ERICH1: variants seen among roughly 807,000 people sequenced by gnomAD.
ERICH1 encodes the protein glutamate-rich protein 1.
Under a neutral mutation model 39.6 loss-of-function variants are expected in ERICH1, and 56 were observed. The ratio of observed to expected loss-of-function variants is 1.41; its 90% confidence interval spans 1.14 to 1.77. ERICH1 has a LOEUF of 1.77. Among genes scored for constraint, ERICH1 ranks in the 40% most tolerant of loss-of-function variants. The pLI, the probability that ERICH1 is intolerant of heterozygous loss-of-function variation, is 0.00. For missense variants in ERICH1, 826 were observed against 575.4 expected (o/e 1.44, Z -4.45); for synonymous variants, 313 against 223.6 (o/e 1.40, Z -3.57).
At chr8:701,383 C>T (rs1237687907) in intron 2 of ERICH1, among the ~76,000 whole-genome samples, 1 of 151,442 alleles carries the variant, frequency 6.6e-6, no homozygotes, top group Non-Finnish European at 1.5e-5. Flanking sequence ...CACGCCATAC[C>T]TACGGGTCTG....
chr8:634,540 C>G (rs1280658480), intron 3 of ERICH1, among the ~76,000 whole-genome samples: 1 of 152,238 alleles, frequency 6.6e-6, no homozygotes. Context: ...CCCCGTCGGG[C>G]GGGCACCTTC....
chr8:685,116 C>T (rs1278217466), intron 3 of ERICH1, among the ~76,000 whole-genome samples: 1 of 152,228 alleles, frequency 6.6e-6, no homozygotes, highest in Admixed American at 6.5e-5. Flanking sequence ...CTATCTACAA[C>T]TGCATAAGGC....
intron 3 of ERICH1, among the ~76,000 whole-genome samples, chr8:642,948 G>A (rs1003895358): frequency 6.6e-6 from 1 of 152,200 alleles, no homozygotes; most frequent in Admixed American, 6.5e-5. Flanking sequence ...CTGACTGAGT[G>A]TGCAGGTGGG....
chr8:663,758 GTTTTTT>G (rs5888809), downstream of ERICH1, among the ~76,000 whole-genome samples: 1 of 145,654 alleles, frequency 6.9e-6, no homozygotes, highest in African/African-American at 2.5e-5. Flanking sequence ...TTGACTGATG[GTTTTTT>G]TTTTTTTTAT....
At chr8:705,385 A>G (rs7000189) in intron 2 of ERICH1, among the ~76,000 whole-genome samples, 41,215 of 152,102 alleles carry the variant, frequency 0.27, 5,800 homozygotes, top group East Asian at 0.43. Context: ...TCATCATTTT[A>G]CCCCCGGCCA....
chr8:659,787 C>G (rs57432331), downstream of ERICH1, among the ~76,000 whole-genome samples: 4 of 24,686 alleles, frequency 1.6e-4, no homozygotes, highest in African/African-American at 6.0e-4. Context: ...TGTGCACTGA[C>G]CATCCTGGGG....
rs141539093 is a variant in ERICH1, at chr8:668,700, C to A, written c.1156G>T (p.Val386Leu). ...GTTTTCATGTGGTACAGGATGGACA[C>A]GTCTGAGGGCAGCATGCTGTGTGAC... ...LASHSMLPSD[V>L]SILYHMKTLL... The change falls in exon 5 of 6, where the codon GTG becomes TTG. Residue 386 changes from valine (V) to leucine (L), a missense_variant. By Grantham distance (32) the Val-to-Leu change is conservative. Transcript: ENST00000262109. 8.4e-5 allele frequency: 136 copies of A among 1,614,066 alleles called. No individual in the cohort carries two copies. In the African/African-American group the frequency reaches 1.7e-3, roughly 20 times the overall value.
rs182472210 is a variant in ERICH1 at position 627,357 on chromosome 8, C to T, written c.977-12073G>A. On this transcript the variant is annotated intron_variant, in intron 3 of 3. Coordinates refer to the ERICH1 transcript ENST00000522706. ...CAGCTCCTTGTCTCCCATTCCTGGA[C>T]AGGAAAAGTCTGCACCTCACTGAGA... is the stretch of plus-strand genomic sequence containing the variant. 15 of 383,608 alleles carry T rather than the reference C, an allele frequency of 3.9e-5. No individual in the cohort carries two copies. The East Asian group carries it at 1.0e-3, about 27-fold the overall frequency. 23.8% of individuals were successfully genotyped at this position (383,608 alleles called of 1,614,324 possible). A position where few individuals can be genotyped will look rare whatever the true frequency, so the allele number is the denominator to read the frequency against.
chr8:679,507 G>C lies in ERICH1; in HGVS notation c.305-5460C>G, dbSNP rs551010799. Among the ~76,000 whole-genome samples the C allele has an allele frequency of 6.0e-3, 917 of 151,594 alleles. 6 individuals carry two copies. The highest frequency in any genetic ancestry group is 0.021 in the African/African-American group (875 of 41,270). ...AGGCCTCCAGCGTCTCCACTCCCCT[G>C]ACAAGGGCATTGCAAGAAGGGAGGG... On this transcript the variant is annotated intron_variant, in intron 3 of 5. Coordinates refer to ENST00000262109, the MANE Select transcript of ERICH1 (RefSeq NM_207332.3).
intron 3 of ERICH1, among the ~76,000 whole-genome samples, chr8:688,565 A>G (rs1808186762): frequency 6.6e-6 from 1 of 152,116 alleles, no homozygotes. Flanking sequence ...GCGTTTAAAA[A>G]GCATTTGATT....
intron 2 of ERICH1, among the ~76,000 whole-genome samples, chr8:698,899 GTTTT>G (rs4045087): frequency 7.1e-6 from 1 of 140,382 alleles, no homozygotes; most frequent in Non-Finnish European, 1.5e-5. Context: ...GTCTCTGTGA[GTTTT>G]TTTTTTTTTT....
chr8:668,758 T>G lies in ERICH1; in HGVS notation c.1098A>C (p.Ala366=). ...VSRDAASAAL[A]DAAEELLDRL... is the part of the protein sequence containing the mutation. ...GGTCCAGCAGCTCCTCAGCGGCATC[T>G]GCGAGGGCAGCTGAAGCTGCATCTC... The change falls in exon 5 of 6, where the codon GCA becomes GCC. Residue 366 remains alanine, a synonymous_variant. Coordinates refer to ENST00000262109, the MANE Select transcript of ERICH1 (RefSeq NM_207332.3). The G allele has an allele frequency of 6.2e-7, 1 of 1,612,064 alleles. No homozygotes were observed. Among genetic ancestry groups the G allele is most frequent in the East Asian group, 2.2e-5 (1 of 44,838 alleles).
intron 3 of ERICH1, among the ~76,000 whole-genome samples, chr8:688,096 C>G (rs983166998): frequency 3.9e-5 from 6 of 152,168 alleles, no homozygotes; most frequent in African/African-American, 1.4e-4. Context: ...CAGTTCCCGG[C>G]TGCAAAAACA....
Position 708,681 on chromosome 8 carries a change from GTT to G in ERICH1, c.169+7178_169+7179del, listed in dbSNP as rs139731216. ...GGGCTGAGTGGTTACGGGATAATGA[GTT>G]TTTTTTTTTTTTTTTTTTTTTTTTT... On this transcript the variant is annotated intron_variant, in intron 2 of 5. Transcript: ENST00000262109. Among the ~76,000 whole-genome samples the G allele has an allele frequency of 5.0e-4, 33 of 65,774 alleles. 1 individual carries two copies. Among genetic ancestry groups the G allele is most frequent in the Middle Eastern group, 9.6e-3 (1 of 104 alleles). 43.2% of individuals were successfully genotyped at this position (65,774 alleles called of 152,430 possible). A position where few individuals can be genotyped will look rare whatever the true frequency, so the allele number is the denominator to read the frequency against.
chr8:669,889 G>C (rs892905279), intron 4 of ERICH1, among the ~76,000 whole-genome samples: 6 of 152,166 alleles, frequency 3.9e-5, no homozygotes, highest in African/African-American at 7.2e-5. Context: ...AACCCTGCTT[G>C]GACTTGGCAG....
intron 3 of ERICH1, among the ~76,000 whole-genome samples, chr8:652,631 G>C (rs1015479256): frequency 2.0e-5 from 3 of 152,210 alleles, no homozygotes. Flanking sequence ...TCTTAGGCAT[G>C]AATAATGGTG....
downstream of ERICH1, among the ~76,000 whole-genome samples, chr8:663,384 C>A (rs1801719925): frequency 1.3e-5 from 2 of 152,192 alleles, no homozygotes; most frequent in Non-Finnish European, 1.5e-5. Context: ...CTGATCAGCA[C>A]TGGGGGAGTG....
At chr8:656,198 C>T (rs776839114) in intron 3 of ERICH1, among the ~76,000 whole-genome samples, 5 of 152,130 alleles carry the variant, frequency 3.3e-5, no homozygotes, top group Admixed American at 6.5e-5. Context: ...TAAACTCCCC[C>T]GGTTCCTTCT....
chr8:658,897 C>T (rs1309237974), intron 3 of ERICH1, among the ~76,000 whole-genome samples: 1 of 152,230 alleles, frequency 6.6e-6, no homozygotes, highest in Admixed American at 6.5e-5. Context: ...CTCTGCCTTT[C>T]CTTCACTTGC....
Sources: allele counts gnomAD v4.1 joint callset (sites outside exome capture counted in the v4.1 genomes callset), GRCh38; gene constraint gnomAD v4.1.1; transcripts MANE v1.5; gene names NCBI Gene and HGNC (gene_info 2026-07-23, HGNC 2026-07-21).